FHIT: variants seen among roughly 807,000 people sequenced by gnomAD.
The protein encoded by FHIT is bis(5'-adenosyl)-triphosphatase.
Under a neutral mutation model 17.9 loss-of-function variants are expected in FHIT, and 19 were observed. That is an observed-to-expected ratio of 1.06 (90% confidence interval 0.74 to 1.56). FHIT has a LOEUF of 1.56. FHIT is among the 40% of genes most tolerant of loss of function. The pLI is 0.00. For missense variants in FHIT, 248 were observed against 189.2 expected (o/e 1.31, Z -1.82); for synonymous variants, 81 against 69.7 (o/e 1.16, Z -0.81).
chr3:61,217,349 A>G (rs1409950080), intron 1 of FHIT, among the ~76,000 whole-genome samples: 1 of 152,144 alleles, frequency 6.6e-6, no homozygotes, highest in Non-Finnish European at 1.5e-5. Context: ...GGCTGGGATC[A>G]TCTGAAGACT....
intron 8 of FHIT, among the ~76,000 whole-genome samples, chr3:59,753,578 ATGGG>A (rs1701037735): frequency 6.6e-6 from 1 of 152,158 alleles, no homozygotes; most frequent in African/African-American, 2.4e-5. Flanking sequence ...TTCATTCTTC[ATGGG>A]AATGCACAGT....
intron 4 of FHIT, among the ~76,000 whole-genome samples, chr3:60,552,256 A>C (rs190305602): frequency 2.6e-5 from 4 of 152,170 alleles, no homozygotes; most frequent in African/African-American, 7.2e-5. Flanking sequence ...TTGTTACTAC[A>C]TTTTTGGACG....
intron 5 of FHIT, among the ~76,000 whole-genome samples, chr3:60,196,444 G>A (rs1332748725): frequency 1.3e-5 from 2 of 152,062 alleles, no homozygotes; most frequent in Non-Finnish European, 2.9e-5. Context: ...TCATTTATAA[G>A]GACCCTTGTG....
intron 4 of FHIT, among the ~76,000 whole-genome samples, chr3:60,669,148 G>T (rs1553693239): frequency 1.3e-5 from 2 of 152,094 alleles, no homozygotes; most frequent in Non-Finnish European, 1.5e-5. Flanking sequence ...TTCCTTAAAG[G>T]TACTTATACA....
chr3:60,746,655 G>A (rs1324673738), intron 4 of FHIT, among the ~76,000 whole-genome samples: 1 of 152,164 alleles, frequency 6.6e-6, no homozygotes, highest in Non-Finnish European at 1.5e-5. Flanking sequence ...CACAAGGAGG[G>A]GCCAGAAGGT....
intron 5 of FHIT, among the ~76,000 whole-genome samples, chr3:60,197,362 T>C (rs1275639897): frequency 6.6e-6 from 1 of 152,208 alleles, no homozygotes; most frequent in Non-Finnish European, 1.5e-5. Flanking sequence ...AATAATAGGA[T>C]ACAGTGGGTT....
chr3:60,449,297 C>T (rs561277347), intron 5 of FHIT, among the ~76,000 whole-genome samples: 16 of 152,218 alleles, frequency 1.1e-4, no homozygotes, highest in Admixed American at 9.2e-4. Context: ...AAAAGCTATG[C>T]AACTGTGAGA....
At chr3:59,866,981 A>G (rs796537566) in intron 8 of FHIT, among the ~76,000 whole-genome samples, 3 of 151,790 alleles carry the variant, frequency 2.0e-5, no homozygotes, top group Admixed American at 6.6e-5. Context: ...TCACAGAATA[A>G]TCTCTAATGT....
At chr3:60,696,318 T>C (rs1553700647) in intron 4 of FHIT, among the ~76,000 whole-genome samples, 1 of 152,158 alleles carries the variant, frequency 6.6e-6, no homozygotes, top group African/African-American at 2.4e-5. Context: ...TTCAGTACAT[T>C]CAAATTTTAA....
rs527538062 is a variant in FHIT at position 60,228,206 on chromosome 3, G to A, written c.104-214054C>T. Among the ~76,000 whole-genome samples, 17 of 152,092 alleles carry A rather than the reference G, an allele frequency of 1.1e-4. 1 individual carries two copies. Among genetic ancestry groups the A allele is most frequent in the Non-Finnish European group, 1.8e-4 (12 of 68,016 alleles). On this transcript the variant is annotated intron_variant, in intron 5 of 9. Transcript: ENST00000492590. ...GTATAAAGTAAGGCATGAAACCACTGGCTCTGACATACTGTATGATCCCAT... is the reference window on the plus strand; with the variant it reads ...GTATAAAGTAAGGCATGAAACCACTAGCTCTGACATACTGTATGATCCCAT...
intron 2 of FHIT, among the ~76,000 whole-genome samples, chr3:61,171,099 A>G (rs1576145544): frequency 6.6e-6 from 1 of 152,032 alleles, no homozygotes; most frequent in Non-Finnish European, 1.5e-5. Context: ...TTTCTCCACA[A>G]CCTCACTAGC....
chr3:60,775,992 T>A (rs1451812643), intron 4 of FHIT, among the ~76,000 whole-genome samples: 1 of 152,204 alleles, frequency 6.6e-6, no homozygotes, highest in Non-Finnish European at 1.5e-5. Flanking sequence ...GTTTCTTTTC[T>A]TTCCCCTTCT....
intron 5 of FHIT, among the ~76,000 whole-genome samples, chr3:60,406,612 T>C (rs1172662619): frequency 2.7e-5 from 4 of 147,340 alleles, no homozygotes; most frequent in African/African-American, 7.5e-5. Flanking sequence ...AATCTTAATA[T>C]GGACTTTCAT....
intron 5 of FHIT, among the ~76,000 whole-genome samples, chr3:60,248,801 G>A (rs960166413): frequency 6.6e-6 from 1 of 152,250 alleles, no homozygotes; most frequent in African/African-American, 2.4e-5. Flanking sequence ...GAAGGGCGCT[G>A]TGACTCACCC....
At chr3:60,097,113 T>C (rs1354557634) in intron 5 of FHIT, among the ~76,000 whole-genome samples, 1 of 149,088 alleles carries the variant, frequency 6.7e-6, no homozygotes, top group African/African-American at 2.5e-5. Context: ...GGTGAAAACA[T>C]ACCCAAATAT....
intron 8 of FHIT, among the ~76,000 whole-genome samples, chr3:59,911,256 T>C (rs967600587): frequency 3.9e-5 from 6 of 152,198 alleles, no homozygotes; most frequent in Non-Finnish European, 8.8e-5. Context: ...ATTAATTAGA[T>C]CAGTTGTCCA....
chr3:61,182,088 A>G (rs889480320), intron 2 of FHIT, among the ~76,000 whole-genome samples: 1 of 152,210 alleles, frequency 6.6e-6, no homozygotes, highest in African/African-American at 2.4e-5. Context: ...CTGAAGTGTA[A>G]CCATTAACTG....
intron 4 of FHIT, among the ~76,000 whole-genome samples, chr3:60,715,383 A>C (rs1193565556): frequency 2.0e-5 from 3 of 152,100 alleles, no homozygotes; most frequent in African/African-American, 7.2e-5. Context: ...ATGTCCAACA[A>C]TGATAGACTG....
intron 5 of FHIT, among the ~76,000 whole-genome samples, chr3:60,170,391 T>C (rs1458817949): frequency 6.6e-6 from 1 of 152,166 alleles, no homozygotes; most frequent in Admixed American, 6.6e-5. Flanking sequence ...TTTGAGCCAA[T>C]AACTCCTCCT....
Sources: gnomAD v4.1 joint callset for allele counts (sites outside exome capture counted in the v4.1 genomes callset) on GRCh38, gnomAD v4.1.1 for gene constraint, MANE v1.5 for transcripts, NCBI Gene and HGNC (gene_info 2026-07-23, HGNC 2026-07-21) for gene names.